The following RPL22 variants were observed in gnomAD, a reference collection of about 807,000 sequenced individuals.
RPL22 encodes the protein ribosomal protein L22, also known as large ribosomal subunit protein eL22.
In RPL22, 4 loss-of-function variants were observed where a neutral mutation model predicts 16.2. That is an observed-to-expected ratio of 0.25 (90% CI 0.12 to 0.57). The LOEUF is 0.57. Among genes scored for constraint, RPL22 ranks in the 20% least tolerant of loss-of-function variants. RPL22 has a pLI of 0.92. For synonymous variants in RPL22, 43 were observed against 54.8 expected (o/e 0.78, Z 0.95); for missense variants, 83 against 156.1 (o/e 0.53, Z 2.49).
At chr1:6,196,291 C>A (rs1667717937) in intron 2 of RPL22, among the ~76,000 whole-genome samples, 2 of 151,924 alleles carry the variant, frequency 1.3e-5, no homozygotes, top group South Asian at 4.2e-4. Context: ...CAGAACAGGG[C>A]CACCATGTGA....
At chr1:6,188,979 T>A (rs1487354073) in intron 3 of RPL22, among the ~76,000 whole-genome samples, 1 of 151,544 alleles carries the variant, frequency 6.6e-6, no homozygotes, top group Non-Finnish European at 1.5e-5. Flanking sequence ...AGAGACGGGG[T>A]TTCTCCATGT....
rs987123839 is a variant in RPL22, at chr1:6,198,091, CTT to C, written c.13-337_13-336del. On this transcript the variant is annotated intron_variant, in intron 1 of 3. Transcript: ENST00000234875. ...TGAACCACAATAAAATGAACACTTC[CTT>C]TTGTTTGCCCTAACATTCCCAATTT... is the stretch of plus-strand genomic sequence containing the variant. 5.2e-5 allele frequency: 13 copies of C among 251,218 alleles called. 1 individual carries two copies. Among genetic ancestry groups the C allele is most frequent in the African/African-American group, 2.7e-4 (12 of 45,036 alleles). 15.6% of individuals were successfully genotyped at this position (251,218 alleles called of 1,614,324 possible).
chr1:6,190,950 C>T (rs575942277), intron 3 of RPL22, among the ~76,000 whole-genome samples: 35 of 152,304 alleles, frequency 2.3e-4, no homozygotes, highest in Admixed American at 2.1e-3. Flanking sequence ...TGGTCAGACA[C>T]AGTGGTTCAT....
intron 3 of RPL22, among the ~76,000 whole-genome samples, chr1:6,189,989 T>C (rs949438705): frequency 6.6e-6 from 1 of 152,196 alleles, no homozygotes; most frequent in Non-Finnish European, 1.5e-5. Flanking sequence ...TCGGGACACC[T>C]TGAACCTTTC....
At chr1:6,190,200 C>T (rs569970116) in intron 3 of RPL22, among the ~76,000 whole-genome samples, 2 of 152,300 alleles carry the variant, frequency 1.3e-5, no homozygotes, top group Admixed American at 6.5e-5. Context: ...GCAGGCCGGA[C>T]GCTTTGTACC....
intron 3 of RPL22, 118 bp downstream of exon 3, chr1:6,192,812 G>T (rs1429248499): frequency 1.3e-5 from 16 of 1,237,386 alleles, no homozygotes; most frequent in Non-Finnish European, 2.3e-6. Context: ...ACTGAGCATA[G>T]TTCCAGAAAT....
At chr1:6,190,467 G>A (rs1374183846) in intron 3 of RPL22, among the ~76,000 whole-genome samples, 6 of 151,986 alleles carry the variant, frequency 3.9e-5, no homozygotes, top group Non-Finnish European at 7.4e-5. Flanking sequence ...CGCAACCTCC[G>A]CCTCCCTGGT....
intron 2 of RPL22, 63 bp from the exon 3 acceptor site, chr1:6,193,117 A>T: frequency 6.3e-7 from 1 of 1,579,098 alleles, no homozygotes; most frequent in Non-Finnish European, 8.7e-7. Context: ...AGAATATTTT[A>T]TCTGTCTCCC....
intron 3 of RPL22, among the ~76,000 whole-genome samples, chr1:6,191,975 G>T (rs898114147): frequency 2.0e-5 from 3 of 150,978 alleles, no homozygotes; most frequent in Non-Finnish European, 2.9e-5. Flanking sequence ...CTCCAGCCTG[G>T]GCAACAGAGC....
intron 2 of RPL22, among the ~76,000 whole-genome samples, chr1:6,193,618 T>G (rs1209327502): frequency 6.6e-6 from 1 of 151,988 alleles, no homozygotes; most frequent in Non-Finnish European, 1.5e-5. Context: ...CCACTGCGCC[T>G]GGCTTAACAT....
At chr1:6,192,331 G>A (rs1163105682) in intron 3 of RPL22, among the ~76,000 whole-genome samples, 1 of 152,182 alleles carries the variant, frequency 6.6e-6, no homozygotes, top group African/African-American at 2.4e-5. Context: ...ACAAGCATAA[G>A]CCACTGTGCC....
At chr1:6,193,493 T>G (rs182792856) in intron 2 of RPL22, among the ~76,000 whole-genome samples, 1 of 152,192 alleles carries the variant, frequency 6.6e-6, no homozygotes, top group Non-Finnish European at 1.5e-5. Flanking sequence ...CCAGCTAATT[T>G]TGTATTTTTA....
intron 3 of RPL22, among the ~76,000 whole-genome samples, chr1:6,188,533 T>A (rs1667609818): frequency 6.8e-6 from 1 of 146,350 alleles, no homozygotes; most frequent in South Asian, 2.2e-4. Flanking sequence ...CTACACAACA[T>A]TTTTTTTTTT....
intron 1 of RPL22, chr1:6,199,319 C>T: frequency 8.8e-7 from 1 of 1,136,772 alleles, no homozygotes; most frequent in Non-Finnish European, 1.1e-6. Flanking sequence ...CCCCGCTAGC[C>T]CCTAGCTGGG....
chr1:6,199,502 G>T (rs1330430895), intron 1 of RPL22, 60 bp downstream of exon 1: 2 of 1,543,426 alleles, frequency 1.3e-6, no homozygotes, highest in South Asian at 1.2e-5. Flanking sequence ...GTAGATGCCG[G>T]GCTCGGCGAG....
At chr1:6,190,862 C>T (rs1178394699) in intron 3 of RPL22, among the ~76,000 whole-genome samples, 1 of 152,200 alleles carries the variant, frequency 6.6e-6, no homozygotes, top group Non-Finnish European at 1.5e-5. Flanking sequence ...TCTGTCTAAA[C>T]TGAGGTCTTC....
chr1:6,189,254 A>ACCAAC (rs1557572687), intron 3 of RPL22, among the ~76,000 whole-genome samples: 2 of 152,328 alleles, frequency 1.3e-5, no homozygotes, highest in African/African-American at 2.4e-5. Context: ...CAATCGCCAC[A>ACCAAC]AAGTGTGAAG....
At chr1:6,194,246 A>G (rs902414211) in intron 2 of RPL22, among the ~76,000 whole-genome samples, 1 of 152,206 alleles carries the variant, frequency 6.6e-6, no homozygotes, top group Non-Finnish European at 1.5e-5. Context: ...GGTACATGCA[A>G]CCAAAGCTAA....
chr1:6,192,282 A>G (rs573605279), intron 3 of RPL22, among the ~76,000 whole-genome samples: 1 of 152,364 alleles, frequency 6.6e-6, no homozygotes, highest in South Asian at 2.1e-4. Context: ...CCTGGGCTCA[A>G]GCAATACTCC....
Sources: allele counts gnomAD v4.1 joint callset (sites outside exome capture counted in the v4.1 genomes callset), GRCh38; gene constraint gnomAD v4.1.1; transcripts MANE v1.5; gene names NCBI Gene and HGNC (gene_info 2026-07-23, HGNC 2026-07-21).